The following PRELID2 variants were observed in gnomAD, a reference collection of about 807,000 sequenced individuals.
PRELID2 encodes the protein PRELI domain-containing protein 2.
Under a neutral mutation model 28.4 loss-of-function variants are expected in PRELID2, and 25 were observed. That is an observed-to-expected ratio of 0.88 (90% CI 0.64 to 1.23). PRELID2 has a LOEUF of 1.23. PRELID2 is among the 50% of genes most tolerant of loss of function. PRELID2 has a pLI of 0.00. For synonymous variants in PRELID2, 76 were observed against 71.6 expected (o/e 1.06, Z -0.31); for missense variants, 201 against 214.4 (o/e 0.94, Z 0.39).
intron 1 of PRELID2, among the ~76,000 whole-genome samples, chr5:145,541,019 T>C (rs942876801): frequency 6.6e-6 from 1 of 151,850 alleles, no homozygotes; most frequent in Non-Finnish European, 1.5e-5. Flanking sequence ...TTAAAGAAAG[T>C]GGAGGAGACA....
At chr5:145,646,323 A>T (rs10052620) in intron 1 of PRELID2, among the ~76,000 whole-genome samples, 33,531 of 151,790 alleles carry the variant, frequency 0.22, 6,984 homozygotes, top group African/African-American at 0.54. Flanking sequence ...CTTGATCTGT[A>T]CGGCTATTGA....
At chr5:145,579,505 A>C (rs114346230) in intron 1 of PRELID2, among the ~76,000 whole-genome samples, 1 of 152,098 alleles carries the variant, frequency 6.6e-6, no homozygotes, top group East Asian at 1.9e-4. Flanking sequence ...CTGTAAAGCC[A>C]TGACAAGAGG....
downstream of PRELID2, among the ~76,000 whole-genome samples, chr5:145,471,458 T>C (rs960841904): frequency 6.6e-6 from 1 of 152,154 alleles, no homozygotes; most frequent in African/African-American, 2.4e-5. Context: ...AACTCCTTTG[T>C]CCTTTGGCCT....
At chr5:145,506,558 A>T (rs1427140647) in intron 1 of PRELID2, among the ~76,000 whole-genome samples, 2 of 152,166 alleles carry the variant, frequency 1.3e-5, no homozygotes, top group Non-Finnish European at 2.9e-5. Flanking sequence ...GGAGTACAAG[A>T]GACCAAGCTG....
At chr5:145,530,215 C>T (rs181567283) in intron 1 of PRELID2, among the ~76,000 whole-genome samples, 7 of 152,198 alleles carry the variant, frequency 4.6e-5, no homozygotes, top group Admixed American at 1.3e-4. Context: ...AGATAGAGAA[C>T]GCCATTCAAT....
chr5:145,431,866 T>G, the PRELID2 span, among the ~76,000 whole-genome samples: 1 of 152,140 alleles, frequency 6.6e-6, no homozygotes, highest in Non-Finnish European at 1.5e-5. Context: ...AGCAGATACA[T>G]GCAAAGACAG....
At chr5:145,784,668 G>A (rs959551496) in intron 5 of PRELID2, among the ~76,000 whole-genome samples, 17 of 151,986 alleles carry the variant, frequency 1.1e-4, no homozygotes, top group South Asian at 4.1e-4. Flanking sequence ...CTATTATGCC[G>A]ATGGAATATT....
chr5:145,285,110 C>T, the PRELID2 span, among the ~76,000 whole-genome samples: 1 of 152,090 alleles, frequency 6.6e-6, no homozygotes, highest in East Asian at 1.9e-4. Context: ...GACTCAAACC[C>T]GAGTCTATAT....
intron 4 of PRELID2, among the ~76,000 whole-genome samples, chr5:145,814,088 C>T (rs776467347): frequency 9.2e-5 from 14 of 152,132 alleles, no homozygotes; most frequent in Non-Finnish European, 1.9e-4. Context: ...TTACAAGACA[C>T]ATGCATTATT....
chr5:145,831,041 T>A (rs984725111), intron 1 of PRELID2, among the ~76,000 whole-genome samples: 1 of 151,480 alleles, frequency 6.6e-6, no homozygotes, highest in Non-Finnish European at 1.5e-5. Context: ...TTCTGCCAAG[T>A]GCTTTCCTTT....
rs138150824 is a variant in PRELID2 at position 145,707,356 on chromosome 5, C to T, written n.70+57575G>A. Among the ~76,000 whole-genome samples the T allele has an allele frequency of 1.3e-3, 202 of 152,256 alleles. 2 individuals carry two copies. The highest frequency in any genetic ancestry group is 4.5e-3 in the African/African-American group (186 of 41,568). ...GGCCAAGTGGCCAACCTGCAAAAGG[C>T]TCAGCTGACCTTTGGAATCTGAGTG... On this transcript the variant is annotated intron_variant and non_coding_transcript_variant, in intron 1 of 2. Coordinates refer to the PRELID2 transcript ENST00000510259.
chr5:145,491,985 A>C (rs539732726), intron 1 of PRELID2, among the ~76,000 whole-genome samples: 5 of 152,252 alleles, frequency 3.3e-5, no homozygotes, highest in African/African-American at 9.6e-5. Flanking sequence ...GCTATTGTGA[A>C]TAGTGCTGTA....
chr5:145,800,951 T>TA (rs895773749), intron 4 of PRELID2, among the ~76,000 whole-genome samples: 16 of 151,148 alleles, frequency 1.1e-4, no homozygotes, highest in African/African-American at 3.2e-4. Flanking sequence ...CAGCTTCATT[T>TA]AAAAAAAAAG....
Position 145,741,632 on chromosome 5 carries a change from T to TATATATAAATAATTTATTTATATATAA in PRELID2, n.70+23298_70+23299insTTATATATAAATAAATTATTTATATAT. The stretch of plus-strand genomic sequence containing the variant: ...TTTATTTATATATAAATAATTTATT[T>TATATATAAATAATTTATTTATATATAA]ATAATTTATTTATATATAAATAATT... On this transcript the variant is annotated intron_variant and non_coding_transcript_variant, in intron 1 of 2. Coordinates refer to the PRELID2 transcript ENST00000510259. Among the ~76,000 whole-genome samples, 2 of 16,982 alleles carry TATATATAAATAATTTATTTATATATAA rather than the reference T, an allele frequency of 1.2e-4. 1 individual carries two copies. The highest frequency in any genetic ancestry group is 3.3e-4 in the African/African-American group (2 of 6,108). The allele number at this position is 16,982 out of a possible 152,430, so 11.1% of individuals were successfully genotyped here. A position where few individuals can be genotyped will look rare whatever the true frequency, so the allele number is the denominator to read the frequency against.
the PRELID2 span, among the ~76,000 whole-genome samples, chr5:145,319,427 G>A: frequency 6.6e-6 from 1 of 152,092 alleles, no homozygotes; most frequent in South Asian, 2.1e-4. Context: ...CCAACACTTT[G>A]GGAGGCTGGG....
At chr5:145,234,439 G>A in the PRELID2 span, among the ~76,000 whole-genome samples, 3 of 152,156 alleles carry the variant, frequency 2.0e-5, no homozygotes, top group African/African-American at 7.2e-5. Flanking sequence ...TACCAGGTAT[G>A]TCAGTCATTA....
chr5:145,496,519 A>G (rs1268437286), intron 1 of PRELID2, among the ~76,000 whole-genome samples: 1 of 152,194 alleles, frequency 6.6e-6, no homozygotes, highest in East Asian at 1.9e-4. Context: ...ATTGGCCAGC[A>G]AGTTAGGAGG....
intron 4 of PRELID2, among the ~76,000 whole-genome samples, chr5:145,802,055 T>G (rs938355589): frequency 1.3e-5 from 2 of 152,204 alleles, no homozygotes. Flanking sequence ...CACTGCCTAT[T>G]AAGGCAGGGT....
At chr5:145,377,384 A>G in the PRELID2 span, among the ~76,000 whole-genome samples, 3 of 152,152 alleles carry the variant, frequency 2.0e-5, no homozygotes, top group Admixed American at 2.0e-4. Flanking sequence ...AGTTCTGTAG[A>G]TGTTTACCAG....
Sources: gnomAD v4.1 joint callset for allele counts (sites outside exome capture counted in the v4.1 genomes callset) on GRCh38, gnomAD v4.1.1 for gene constraint, MANE v1.5 for transcripts, NCBI Gene and HGNC (gene_info 2026-07-23, HGNC 2026-07-21) for gene names.